The following ATXN8OS variants were observed in gnomAD, a reference collection of about 807,000 sequenced individuals.
ATXN8OS encodes the protein ATXN8 opposite strand lncRNA, also known as ATXN8 opposite strand (non-protein coding).
chr13:70,148,911 A>G (rs1566612748), intron 4 of ATXN8OS, among the ~76,000 whole-genome samples: 1 of 152,148 alleles, frequency 6.6e-6, no homozygotes. Flanking sequence ...TTCTGTCTCA[A>G]ATGCAAGTTG....
intron 1 of ATXN8OS, among the ~76,000 whole-genome samples, chr13:70,113,304 T>C (rs1314905292): frequency 7.1e-6 from 1 of 140,816 alleles, no homozygotes. Flanking sequence ...CATATAGATA[T>C]AGATAAATGT....
intron 3 of ATXN8OS, among the ~76,000 whole-genome samples, chr13:70,130,233 C>A (rs1009094997): frequency 7.2e-5 from 11 of 152,226 alleles, no homozygotes; most frequent in South Asian, 4.1e-4. Context: ...AATTTAATTT[C>A]TCCTACCTTT....
chr13:70,162,583 G>A (rs531293250), intron 4 of ATXN8OS, among the ~76,000 whole-genome samples: 3 of 151,788 alleles, frequency 2.0e-5, no homozygotes, highest in African/African-American at 4.8e-5. Context: ...GGGGCTGATC[G>A]ATTCGTTCAT....
chr13:70,145,668 A>G (rs910780834), intron 3 of ATXN8OS, among the ~76,000 whole-genome samples: 1 of 152,076 alleles, frequency 6.6e-6, no homozygotes. Flanking sequence ...TTATTGTTGT[A>G]TAAGAATGCT....
In ATXN8OS at chr13:70,122,641, C is replaced by T. The variant is rs138782183; in HGVS notation, n.399-7143C>T. Among the ~76,000 whole-genome samples the T allele has an allele frequency of 4.6e-3, 696 of 152,002 alleles. 7 individuals are homozygous for T. Among genetic ancestry groups the T allele is most frequent in the African/African-American group, 0.016 (665 of 41,504 alleles). ...TATAAAAGAAACATAAATATTTGTACATTTTTATGAAACTATGGTATGTAT... is the reference window on the plus strand; with the variant it reads ...TATAAAAGAAACATAAATATTTGTATATTTTTATGAAACTATGGTATGTAT... On this transcript the variant is annotated intron_variant and non_coding_transcript_variant, in intron 2 of 4. Coordinates refer to ENST00000678624, the Ensembl canonical transcript of ATXN8OS.
chr13:70,156,645 T>G (rs893536194), intron 4 of ATXN8OS, among the ~76,000 whole-genome samples: 2 of 152,080 alleles, frequency 1.3e-5, no homozygotes, highest in African/African-American at 4.8e-5. Context: ...ATAAATATTA[T>G]TAGTATTCTG....
chr13:70,164,457 G>A lies in ATXN8OS; in HGVS notation n.574-5296G>A, dbSNP rs182873653. Among the ~76,000 whole-genome samples the A allele has an allele frequency of 2.5e-3, 383 of 151,856 alleles. 3 individuals carry two copies. The highest frequency in any genetic ancestry group is 2.1e-3 in the East Asian group (11 of 5,172). ...AAATGTGTATTCTGCAAGTGAAATT[G>A]AACCTGTCTTCTGAAAGTTAAAAAA... On this transcript the variant is annotated intron_variant and non_coding_transcript_variant, in intron 4 of 4. Coordinates refer to ENST00000678624, the Ensembl canonical transcript of ATXN8OS.
In ATXN8OS at chr13:70,167,880, C is replaced by T. The variant is rs566896022; in HGVS notation, n.574-1873C>T. On this transcript the variant is annotated intron_variant and non_coding_transcript_variant, in intron 4 of 4. Transcript: ENST00000678624. The stretch of plus-strand genomic sequence containing the variant: ...CCTCCCGTGTAGCTTGGACTACAGG[C>T]GTGTGCCGCCACTCCTGACTAATTT... Among the ~76,000 whole-genome samples, 3 of 151,810 alleles carry T rather than the reference C, an allele frequency of 2.0e-5. No homozygotes were observed. In the South Asian group the frequency reaches 6.2e-4, roughly 32 times the overall value.
At chr13:70,148,199 A>G (rs1019812123) in intron 4 of ATXN8OS, among the ~76,000 whole-genome samples, 3 of 152,150 alleles carry the variant, frequency 2.0e-5, no homozygotes, top group African/African-American at 7.2e-5. Flanking sequence ...ATGGATCAGG[A>G]AAAGACCTGC....
intron 2 of ATXN8OS, among the ~76,000 whole-genome samples, chr13:70,117,464 T>C (rs1024514767): frequency 6.6e-6 from 1 of 152,222 alleles, no homozygotes. Context: ...AAAAATGCTA[T>C]GGGCAGTGCA....
intron 1 of ATXN8OS, among the ~76,000 whole-genome samples, chr13:70,113,893 G>A (rs768160423): frequency 2.0e-5 from 3 of 152,070 alleles, no homozygotes; most frequent in Non-Finnish European, 2.9e-5. Flanking sequence ...TTCTAATTAT[G>A]GATGTAACGT....
intron 4 of ATXN8OS, among the ~76,000 whole-genome samples, chr13:70,167,534 T>G (rs559462242): frequency 1.4e-4 from 21 of 151,770 alleles, no homozygotes; most frequent in Non-Finnish European, 2.8e-4. Context: ...GGAGGAAGGA[T>G]AGCATTAGGA....
intron 4 of ATXN8OS, among the ~76,000 whole-genome samples, chr13:70,154,719 AT>A (rs1281720990): frequency 6.6e-6 from 1 of 152,112 alleles, no homozygotes; most frequent in Non-Finnish European, 1.5e-5. Context: ...AGAAAAACAA[AT>A]TTTACTTTGT....
chr13:70,124,234 T>G (rs1782229824), intron 2 of ATXN8OS, among the ~76,000 whole-genome samples: 2 of 152,092 alleles, frequency 1.3e-5, no homozygotes, highest in Admixed American at 6.6e-5. Context: ...ATTAAATAAT[T>G]AATAATGTCA....
At chr13:70,157,696 T>C (rs893211387) in intron 4 of ATXN8OS, among the ~76,000 whole-genome samples, 3 of 152,112 alleles carry the variant, frequency 2.0e-5, no homozygotes, top group African/African-American at 4.8e-5. Flanking sequence ...GAACCTTATA[T>C]TGTGCTCAGA....
chr13:70,167,756 G>T, intron 4 of ATXN8OS, among the ~76,000 whole-genome samples: 1 of 90,374 alleles, frequency 1.1e-5, no homozygotes. Flanking sequence ...TTTTGAGACA[G>T]ACAGAGTCTC....
intron 4 of ATXN8OS, among the ~76,000 whole-genome samples, chr13:70,163,613 A>G (rs1462891211): frequency 6.6e-6 from 1 of 152,048 alleles, no homozygotes; most frequent in Non-Finnish European, 1.5e-5. Flanking sequence ...ATTATTCTTT[A>G]AAATAAATCA....
At position 70,163,930 on chromosome 13, in the gene ATXN8OS, AT is replaced by A. The variant is rs568220703; in HGVS notation, n.574-5816del. The stretch of plus-strand genomic sequence containing the variant: ...GCCTGATAGAATAAATATATGACAG[AT>A]TTTTTTCCCCACTTAGTGGTATTTT... On this transcript the variant is annotated intron_variant and non_coding_transcript_variant, in intron 4 of 4. Coordinates refer to ENST00000678624, the Ensembl canonical transcript of ATXN8OS. 4.6e-5 allele frequency among the ~76,000 whole-genome samples: 7 copies of A among 150,666 alleles called. 1 individual carries two copies. Among genetic ancestry groups the A allele is most frequent in the Admixed American group, 1.3e-4 (2 of 15,094 alleles).
chr13:70,119,380 T>C (rs755719783), intron 2 of ATXN8OS, among the ~76,000 whole-genome samples: 3 of 152,134 alleles, frequency 2.0e-5, no homozygotes, highest in Non-Finnish European at 2.9e-5. Flanking sequence ...TGCAACATAA[T>C]AACTCTTAAA....
Sources: gnomAD v4.1 joint callset for allele counts (sites outside exome capture counted in the v4.1 genomes callset) on GRCh38, gnomAD v4.1.1 for gene constraint, MANE v1.5 for transcripts, NCBI Gene and HGNC (gene_info 2026-07-23, HGNC 2026-07-21) for gene names.